The following RTEL1 variants were observed in gnomAD, a reference collection of about 807,000 sequenced individuals.
RTEL1 encodes the protein regulator of telomere elongation helicase 1, also known as regulator of telomere length.
RTEL1 carries 86 observed loss-of-function variants against 162.2 expected under a neutral mutation model. The observed-to-expected ratio is 0.53, with a 90% CI of 0.45 to 0.63. The LOEUF (loss-of-function observed/expected upper bound fraction) is 0.63. Ranked by LOEUF, RTEL1 falls within the 30% of genes least tolerant of loss-of-function variation. RTEL1 has a pLI of 0.00. For missense variants in RTEL1, 1,941 were observed against 1,750.2 expected, an observed-to-expected ratio of 1.11 and a Z score of -1.95; for synonymous variants, 958 against 717.9, an observed-to-expected ratio of 1.33 and a Z score of -5.35.
In RTEL1 at chr20:63,695,462, C is replaced by A; in HGVS notation, c.3634C>A (p.Pro1212Thr). Residue 1212 changes from proline (P) to threonine (T), a missense_variant, in exon 34 of 35, where the codon CCT becomes ACT. Coordinates refer to ENST00000360203, the MANE Select transcript of RTEL1 (RefSeq NM_001283009.2). ...CCAGTCCTCAGGACCTCCCCACGGGCCTGCAGCATCTGAGTGGGGTGAGCC... is the reference window on the plus strand; with the variant it reads ...CCAGTCCTCAGGACCTCCCCACGGGACTGCAGCATCTGAGTGGGGTGAGCC... ...PSQSSGPPHG[P>T]AASEWGEPHG... The A allele has an allele frequency of 6.3e-7, 1 of 1,597,688 alleles. No homozygotes were observed. The highest frequency in any genetic ancestry group is 8.5e-7 in the Non-Finnish European group (1 of 1,171,742).
At chr20:63,660,707 G>A (rs547682889) in intron 2 of RTEL1, 1 of 155,806 alleles carries the variant, frequency 6.4e-6, no homozygotes, top group South Asian at 2.0e-4. Context: ...GGAGTGCCTT[G>A]GGGGCCTCTC....
At chr20:63,681,933 A>G (rs1377868670) in intron 14 of RTEL1, 1 of 985,174 alleles carries the variant, frequency 1.0e-6, no homozygotes, top group Non-Finnish European at 1.2e-6. Context: ...GCTGTCCCGC[A>G]TGGAGTGTGG....
At chr20:63,684,321 T>G (rs1264314948) in intron 14 of RTEL1, among the ~76,000 whole-genome samples, 1 of 152,206 alleles carries the variant, frequency 6.6e-6, no homozygotes, top group Non-Finnish European at 1.5e-5. Context: ...ACTGTGGTTT[T>G]GTCGTAAGTC....
At chr20:63,663,164 G>A (rs1218956918) in intron 6 of RTEL1, among the ~76,000 whole-genome samples, 2 of 152,238 alleles carry the variant, frequency 1.3e-5, no homozygotes, top group African/African-American at 4.8e-5. Context: ...CCTGATGAGA[G>A]GGTCTCCCTG....
Position 63,690,322 on chromosome 20 carries a change from C to A in RTEL1, c.2294C>A (p.Ala765Glu). 6.2e-7 allele frequency: 1 copy of A among 1,609,934 alleles called. No individual in the cohort carries two copies. Among genetic ancestry groups the A allele is most frequent in the Non-Finnish European group, 8.5e-7 (1 of 1,178,172 alleles). Residue 765 changes from alanine (A) to glutamate (E), a missense_variant, in exon 26 of 35, where the codon GCA becomes GAA. Coordinates refer to ENST00000360203, the MANE Select transcript of RTEL1 (RefSeq NM_001283009.2). ...CCAGCGCCGGCCCCCCGGGCTACAG[C>A]ACCCAGTGTGCGTGGAGAAGATGCT... ...TMPAPAPRAT[A>E]PSVRGEDAVS...
intron 27 of RTEL1, 89 bp from the exon 28 acceptor site, chr20:63,691,653 G>T (rs2236507): frequency 1.5e-5 from 18 of 1,186,574 alleles, no homozygotes; most frequent in African/African-American, 7.6e-5. Context: ...GGGCTCCTTG[G>T]GACCATCTTC....
intron 6 of RTEL1, among the ~76,000 whole-genome samples, chr20:63,664,556 C>G (rs190425909): frequency 1.3e-5 from 2 of 152,322 alleles, no homozygotes; most frequent in African/African-American, 4.8e-5. Flanking sequence ...CTCCTCCAGG[C>G]CTGTGGACTC....
At chr20:63,691,503 G>C (rs2090742745) in intron 27 of RTEL1, among the ~76,000 whole-genome samples, 1 of 152,070 alleles carries the variant, frequency 6.6e-6, no homozygotes. Flanking sequence ...GCTGTGGTCG[G>C]ACTGTCTTCC....
chr20:63,667,613 G>A (rs1384837314), intron 8 of RTEL1, 60 bp downstream of exon 8: 7 of 1,380,724 alleles, frequency 5.1e-6, no homozygotes, highest in Non-Finnish European at 7.2e-6. Context: ...CTGGGCTTGG[G>A]AACAGCTGTC....
rs73317948 is a variant in RTEL1, at chr20:63,662,175, C to T, written c.395+232C>T. ...CATCTGTGTGCTGACCTTGGGCGGG[C>T]GTCCTGAGCTCCTCGCAGGTGCTGT... On this transcript the variant is annotated intron_variant, in intron 4 of 34. Coordinates refer to ENST00000360203, the MANE Select transcript of RTEL1 (RefSeq NM_001283009.2). Among the ~76,000 whole-genome samples the T allele has an allele frequency of 0.027, 4,064 of 152,284 alleles. 177 individuals are homozygous for T. The highest frequency in any genetic ancestry group is 0.092 in the African/African-American group (3,837 of 41,542).
At chr20:63,693,389 G>T (rs559984565) in intron 30 of RTEL1, 106 bp downstream of exon 30, 1 of 1,391,370 alleles carries the variant, frequency 7.2e-7, no homozygotes, top group African/African-American at 1.4e-5. Context: ...GCTTGGCCCC[G>T]CCTCTCTGTT....
In RTEL1 at chr20:63,692,842, A is replaced by G; in HGVS notation, c.2690A>G (p.Lys897Arg). Residue 897 changes from lysine (K) to arginine (R), a missense_variant, in exon 29 of 35, where the codon AAG (lysine) becomes AGG (arginine). By Grantham distance (26) the Lys-to-Arg change is conservative. Transcript: ENST00000360203. Reference sequence around the variant, plus strand: ...GCTGGTGCACAGACGGACAGGGCCAAGCTCTTCATGGTGGCCGTGAAGCAG... The same window carrying G: ...GCTGGTGCACAGACGGACAGGGCCAGGCTCTTCATGGTGGCCGTGAAGCAG... Reference protein sequence around the residue: ...PVAGAQTDRAKLFMVAVKQEL... With the variant: ...PVAGAQTDRARLFMVAVKQEL... 1.2e-6 allele frequency: 2 copies of G among 1,612,602 alleles called. No individual in the cohort carries two copies. Among genetic ancestry groups the G allele is most frequent in the Non-Finnish European group, 1.7e-6 (2 of 1,179,842 alleles).
At chr20:63,689,926 C>T (rs1306721752) in intron 24 of RTEL1, 61 bp downstream of exon 24, 2 of 1,559,404 alleles carry the variant, frequency 1.3e-6, no homozygotes, top group Non-Finnish European at 1.7e-6. Flanking sequence ...CACTGGGCCC[C>T]TGGACTCTCC....
intron 12 of RTEL1, 97 bp downstream of exon 12, chr20:63,678,443 C>T: frequency 8.7e-7 from 1 of 1,147,490 alleles, no homozygotes. Flanking sequence ...CGAGTGAGGC[C>T]TGTTTTCAGG....
chr20:63,677,549 G>T (rs1177853251), intron 10 of RTEL1, among the ~76,000 whole-genome samples: 2 of 152,222 alleles, frequency 1.3e-5, no homozygotes, highest in Non-Finnish European at 2.9e-5. Context: ...GGACATGGAG[G>T]TTGCAGTGAG....
In RTEL1 at chr20:63,661,161, A is replaced by G. The variant is rs2090012508; in HGVS notation, c.103-137A>G. ...CCTGTGGACTTCTCCGCGGTCCCAC[A>G]GGGCTCTCGCCACCTGGCAGTGGCC... On this transcript the variant is annotated intron_variant, in intron 2 of 34. Coordinates refer to ENST00000360203, the MANE Select transcript of RTEL1 (RefSeq NM_001283009.2). This position sits in a 1 kb window ranked among gnomAD's most constrained non-coding sequence, Gnocchi z 5.1. The G allele has an allele frequency of 4.0e-6, 3 of 755,074 alleles. No homozygotes were observed. The highest frequency in any genetic ancestry group is 1.8e-5 in the South Asian group (1 of 55,942). The allele number at this position is 755,074 out of a possible 1,614,324, so 46.8% of individuals were successfully genotyped here.
At position 63,694,361 on chromosome 20, in the gene RTEL1, C is replaced by T. The variant is rs754102825; in HGVS notation, c.2993-11C>T. The T allele has an allele frequency of 9.4e-6, 14 of 1,489,132 alleles. No homozygotes were observed. The highest frequency in any genetic ancestry group is 8.9e-5 in the South Asian group (8 of 89,638). The allele number at this position is 1,489,132 out of a possible 1,614,324, so 92.2% of individuals were successfully genotyped here. A position where few individuals can be genotyped will look rare whatever the true frequency, so the allele number is the denominator to read the frequency against. ...CTCGACCAGCTTTGTGGCTCTACAT[C>T]TCTTCATCAGGAAGAACGGCGCCGG... On this transcript the variant is annotated splice_polypyrimidine_tract_variant and intron_variant, in intron 30 of 34. Transcript: ENST00000360203.
rs1238498783 is a variant in RTEL1, at chr20:63,695,383, TAGAC to T, written c.3559_3562del (p.Gln1187GlyfsTer176). On this transcript the variant is annotated frameshift_variant, in exon 34 of 35. Transcript: ENST00000360203. LOFTEE classifies it high-confidence loss of function. ...CCCAGAGCAAGATCTCGTCCTTCCT[TAGAC>T]AGAGGCCAGCAGGGACTGTGGGGGC... 4 of 1,554,348 alleles carry T rather than the reference TAGAC, an allele frequency of 2.6e-6. No individual in the cohort carries two copies. Among genetic ancestry groups the T allele is most frequent in the East Asian group, 2.3e-5 (1 of 44,368 alleles).
intron 7 of RTEL1, 122 bp downstream of exon 7, chr20:63,666,201 C>A: frequency 1.3e-6 from 1 of 790,284 alleles, no homozygotes; most frequent in Non-Finnish European, 2.0e-6. Context: ...TGAAACTAAC[C>A]ACCATTCAGT....
Sources: gnomAD v4.1 joint callset for allele counts (sites outside exome capture counted in the v4.1 genomes callset) on GRCh38, gnomAD v4.1.1 for gene constraint, Gnocchi (gnomAD v3.1) non-coding constraint, MANE v1.5 for transcripts, NCBI Gene and HGNC (gene_info 2026-07-23, HGNC 2026-07-21) for gene names.